Variants in BCAR3 observed in about 807,000 individuals in gnomAD.
BCAR3 encodes breast cancer anti-estrogen resistance protein 3.
Under a neutral mutation model 80.1 loss-of-function variants are expected in BCAR3, and 37 were observed. That is an observed-to-expected ratio of 0.46 (90% CI 0.36 to 0.61). BCAR3 has a LOEUF of 0.61. Ranked by LOEUF, BCAR3 falls within the 20% of genes least tolerant of loss-of-function variation. BCAR3 has a pLI of 0.00. For synonymous variants in BCAR3, 389 were observed against 418.9 expected, an observed-to-expected ratio of 0.93 and a Z score of 0.87; for missense variants, 978 against 1,068.2, an observed-to-expected ratio of 0.92 and a Z score of 1.18.
chr1:93,837,278 T>C (rs1017722721), intron 2 of BCAR3, among the ~76,000 whole-genome samples: 2 of 152,234 alleles, frequency 1.3e-5, no homozygotes, highest in African/African-American at 2.4e-5. Context: ...TATGTCTTTA[T>C]AGCAAAGTGA....
chr1:93,652,918 C>A (rs1676368282), intron 2 of BCAR3, among the ~76,000 whole-genome samples: 1 of 152,172 alleles, frequency 6.6e-6, no homozygotes, highest in Non-Finnish European at 1.5e-5. Flanking sequence ...AAAGTTCAAA[C>A]TTTAGAAATG....
chr1:93,798,715 C>T (rs557699011), intron 2 of BCAR3, among the ~76,000 whole-genome samples: 12 of 152,292 alleles, frequency 7.9e-5, no homozygotes, highest in Admixed American at 2.0e-4. Context: ...TGAGACACAA[C>T]GACATAGCTT....
rs113664286 is a variant in BCAR3, at chr1:93,775,956, T to C, written c.-63+69611A>G. Among the ~76,000 whole-genome samples, 140 of 152,348 alleles carry C rather than the reference T, an allele frequency of 9.2e-4. 3 individuals are homozygous for C. The highest frequency in any genetic ancestry group is 3.2e-3 in the African/African-American group (135 of 41,586). ...ACTCTGTATGTACCTAGGACTTTTA[T>C]AATAAAAGGGGTTTTGAAAAATTCC... On this transcript the variant is annotated intron_variant, in intron 2 of 13. Transcript: ENST00000370244.
intron 2 of BCAR3, among the ~76,000 whole-genome samples, chr1:93,809,775 TAA>T (rs59236584): frequency 7.0e-4 from 39 of 55,492 alleles, no homozygotes; most frequent in Admixed American, 1.3e-3. Context: ...CTCAAAAAGA[TAA>T]AAAAAAAAAA....
At chr1:93,617,140 A>G (rs1438238191) in intron 3 of BCAR3, among the ~76,000 whole-genome samples, 3 of 152,198 alleles carry the variant, frequency 2.0e-5, no homozygotes, top group Non-Finnish European at 4.4e-5. Context: ...CCTGCCAGCC[A>G]TATTCAGCAG....
chr1:93,586,291 A>G lies in BCAR3; in HGVS notation c.930-2170T>C, dbSNP rs186374028. 1.0e-3 allele frequency among the ~76,000 whole-genome samples: 153 copies of G among 152,330 alleles called. 1 individual carries two copies. The highest frequency in any genetic ancestry group is 3.1e-3 in the African/African-American group (127 of 41,568). The stretch of plus-strand genomic sequence containing the variant: ...GTTGTTTTGACTTTTTGATCCCACA[A>G]ATAAGTGAGAACATTTGTCTTTCTG... On this transcript the variant is annotated intron_variant, in intron 5 of 11. Coordinates refer to ENST00000260502, the MANE Select transcript of BCAR3 (RefSeq NM_003567.4). This position sits in a 1 kb window ranked among gnomAD's most constrained non-coding sequence, Gnocchi z 4.2.
At chr1:93,709,202 G>GA (rs1390471435) in intron 2 of BCAR3, among the ~76,000 whole-genome samples, 1 of 152,216 alleles carries the variant, frequency 6.6e-6, no homozygotes, top group Non-Finnish European at 1.5e-5. Flanking sequence ...CAGGGCAGCA[G>GA]AGCAGCGTGC....
chr1:93,806,335 A>G (rs984589272), intron 2 of BCAR3, among the ~76,000 whole-genome samples: 5 of 152,216 alleles, frequency 3.3e-5, no homozygotes, highest in Non-Finnish European at 7.4e-5. Flanking sequence ...GGAGAGTGAT[A>G]TATGAACCTG....
intron 2 of BCAR3, among the ~76,000 whole-genome samples, chr1:93,720,563 G>A (rs747369062): frequency 2.0e-5 from 3 of 152,232 alleles, no homozygotes; most frequent in Non-Finnish European, 4.4e-5. Context: ...CACAGCGCCT[G>A]ATGGAGACCC....
intron 2 of BCAR3, among the ~76,000 whole-genome samples, chr1:93,671,946 C>T (rs138532829): frequency 1.8e-4 from 27 of 151,940 alleles, no homozygotes; most frequent in South Asian, 1.2e-3. Context: ...TAGGACTTTA[C>T]GACCCTTTAA....
chr1:93,749,547 C>A (rs1651472969), intron 2 of BCAR3, among the ~76,000 whole-genome samples: 1 of 150,280 alleles, frequency 6.7e-6, no homozygotes, highest in East Asian at 1.9e-4. Context: ...TGAGATCGCA[C>A]CACTGCACAC....
chr1:93,649,029 A>G (rs1353418862), intron 2 of BCAR3, among the ~76,000 whole-genome samples: 1 of 152,234 alleles, frequency 6.6e-6, no homozygotes, highest in East Asian at 1.9e-4. Context: ...TCCAGCTTCA[A>G]GGAACCAGAG....
intron 2 of BCAR3, among the ~76,000 whole-genome samples, chr1:93,667,615 G>A (rs985365382): frequency 1.3e-5 from 2 of 152,150 alleles, no homozygotes; most frequent in Non-Finnish European, 2.9e-5. Flanking sequence ...ATAAAAGCTG[G>A]GGCAACTAGG....
chr1:93,567,868 G>A lies in BCAR3; in HGVS notation c.1975-17C>T. The A allele has an allele frequency of 1.9e-6, 3 of 1,599,890 alleles. No homozygotes were observed. The highest frequency in any genetic ancestry group is 2.2e-5 in the East Asian group (1 of 44,802). The stretch of plus-strand genomic sequence containing the variant: ...CCTTGTGATCTGGAAGAAAGGTGGT[G>A]TTTTGGAAAAGGTTCTTTTTAAAAT... On this transcript the variant is annotated splice_polypyrimidine_tract_variant and intron_variant, in intron 9 of 11. Coordinates refer to ENST00000260502, the MANE Select transcript of BCAR3 (RefSeq NM_003567.4).
In BCAR3 at chr1:93,664,176, A is replaced by G. The variant is rs552896687; in HGVS notation, c.317+10438T>C. Among the ~76,000 whole-genome samples, 59 of 142,628 alleles carry G rather than the reference A, an allele frequency of 4.1e-4. 1 individual carries two copies. The highest frequency in any genetic ancestry group is 3.8e-3 in the Middle Eastern group (1 of 266). The allele number at this position is 142,628 out of a possible 152,430, so 93.6% of individuals were successfully genotyped here. A position where few individuals can be genotyped will look rare whatever the true frequency, so the allele number is the denominator to read the frequency against. Reference sequence around the variant, plus strand: ...TCTTGTTGCCCCAGGCTGGAGTGCAATGGCAGGATCTCGGCTCACTGCAAC... The same window carrying G: ...TCTTGTTGCCCCAGGCTGGAGTGCAGTGGCAGGATCTCGGCTCACTGCAAC... On this transcript the variant is annotated intron_variant, in intron 2 of 11. Coordinates refer to ENST00000260502, the MANE Select transcript of BCAR3 (RefSeq NM_003567.4).
chr1:93,674,413 GCCCAGC>G (rs1445201411), intron 2 of BCAR3, among the ~76,000 whole-genome samples, 195 bp downstream of exon 2: 1 of 152,116 alleles, frequency 6.6e-6, no homozygotes, highest in Non-Finnish European at 1.5e-5. Flanking sequence ...ATGCCACCAT[GCCCAGC>G]TAATTTTTGT....
At chr1:93,604,606 A>G (rs1674719755) in intron 3 of BCAR3, among the ~76,000 whole-genome samples, 1 of 152,210 alleles carries the variant, frequency 6.6e-6, no homozygotes, top group Non-Finnish European at 1.5e-5. Flanking sequence ...GCCTTCTTTG[A>G]TGTTAAACCC....
chr1:93,583,308 A>G (rs1282039477), intron 6 of BCAR3, among the ~76,000 whole-genome samples: 1 of 152,144 alleles, frequency 6.6e-6, no homozygotes, highest in Non-Finnish European at 1.5e-5. Context: ...GCCCTAAGAA[A>G]CAGAAGTCGT....
chr1:93,820,573 T>C (rs190113986), intron 2 of BCAR3, among the ~76,000 whole-genome samples: 4 of 152,312 alleles, frequency 2.6e-5, no homozygotes, highest in African/African-American at 9.6e-5. Flanking sequence ...AAGAGATGCA[T>C]AGGGCAAGGT....
Sources: gnomAD v4.1 joint callset for allele counts (sites outside exome capture counted in the v4.1 genomes callset) on GRCh38, gnomAD v4.1.1 for gene constraint, Gnocchi (gnomAD v3.1) non-coding constraint, MANE v1.5 for transcripts, NCBI Gene and HGNC (gene_info 2026-07-23, HGNC 2026-07-21) for gene names.